The following DMD variants were observed in gnomAD, a reference collection of about 807,000 sequenced individuals.
DMD encodes dystrophin.
DMD carries 63 observed loss-of-function variants against 330.1 expected under a neutral mutation model. That is an observed-to-expected ratio of 0.19 (90% CI 0.16 to 0.24). The LOEUF is 0.24. Ranked by LOEUF, DMD falls within the 10% of genes least tolerant of loss-of-function variation. The pLI is 1.00. For synonymous variants in DMD, 1,223 were observed against 959.8 expected (o/e 1.27, Z -5.07); for missense variants, 3,344 against 2,684.1 (o/e 1.25, Z -5.43).
intron 50 of DMD, among the ~76,000 whole-genome samples, chrX:31,811,513 G>A (rs2092455352): frequency 8.9e-6 from 1 of 112,021 alleles, no homozygotes; most frequent in South Asian, 3.7e-4. Flanking sequence ...ATTAATTAAT[G>A]TCAAGAGTTA....
chrX:32,179,523 T>A (rs901929022), intron 44 of DMD, among the ~76,000 whole-genome samples: 4 of 112,201 alleles, frequency 3.6e-5, no homozygotes, highest in African/African-American at 1.3e-4. Context: ...AATAGGACCA[T>A]AAGAAATAAA....
chrX:31,877,163 G>A (rs147441308), intron 47 of DMD, among the ~76,000 whole-genome samples: 2,000 of 111,982 alleles, frequency 0.018, 37 homozygotes, highest in African/African-American at 0.062. Flanking sequence ...GATTGTATAC[G>A]TAAACAATAT....
intron 55 of DMD, among the ~76,000 whole-genome samples, chrX:31,615,458 A>G (rs1339672826): frequency 8.9e-6 from 1 of 111,901 alleles, no homozygotes; most frequent in Non-Finnish European, 1.9e-5. Flanking sequence ...GTTTCAGGCA[A>G]TCTCAACTTT....
rs58717973 is a variant in DMD at position 31,219,833 on chromosome X, T to TAC, written c.9361+3212_9361+3213dup. 8.5e-3 allele frequency among the ~76,000 whole-genome samples: 853 copies of TAC among 100,284 alleles called. 3 individuals are homozygous for TAC. The highest frequency in any genetic ancestry group is 0.018 in the African/African-American group (510 of 27,659). 87.1% of individuals were successfully genotyped at this position (100,284 alleles called of 115,157 possible). On this transcript the variant is annotated intron_variant, in intron 64 of 78. Transcript: ENST00000357033. ...CCCATGTTGTTCAAGGATCAATGTA[T>TAC]ACACACACACACACACACACACACT... is the stretch of plus-strand genomic sequence containing the variant.
intron 59 of DMD, among the ~76,000 whole-genome samples, chrX:31,470,737 T>G (rs1258945763): frequency 1.1e-4 from 12 of 112,230 alleles, no homozygotes; most frequent in Non-Finnish European, 1.9e-4. Flanking sequence ...AGTCTGCTGA[T>G]GCTGCACCCA....
intron 25 of DMD, among the ~76,000 whole-genome samples, chrX:32,462,637 G>T (rs1273171480): frequency 9.1e-6 from 1 of 110,394 alleles, no homozygotes; most frequent in Non-Finnish European, 1.9e-5. Context: ...ATTCTTAATG[G>T]TTACTGAATC....
At chrX:31,333,392 C>A (rs1319978959) in intron 61 of DMD, among the ~76,000 whole-genome samples, 4 of 99,438 alleles carry the variant, frequency 4.0e-5, no homozygotes, top group African/African-American at 1.5e-4. Context: ...AAGACATAAG[C>A]CTTGCTGCCC....
At chrX:31,323,800 A>G (rs2039523200) in intron 61 of DMD, 142 bp from the exon 62 acceptor site, 1 of 568,309 alleles carries the variant, frequency 1.8e-6, no homozygotes, top group Non-Finnish European at 3.0e-6. Context: ...GGATGGATTA[A>G]CCTGCTGTTC....
rs11352664 is a variant in DMD at position 31,988,473 on chromosome X, CAAAAAAAAAAAAAAAAA to C, written c.6439-19976_6439-19960del. Among the ~76,000 whole-genome samples the C allele has an allele frequency of 3.3e-4, 8 of 24,145 alleles. No homozygotes were observed. In the East Asian group the frequency reaches 5.9e-3, roughly 18 times the overall value. The allele number at this position is 24,145 out of a possible 115,157, so 21.0% of individuals were successfully genotyped here. On this transcript the variant is annotated intron_variant, in intron 44 of 78. Transcript: ENST00000357033. ...TGGGCAACAGAGTGAGACTCCATCT[CAAAAAAAAAAAAAAAAA>C]AAAAAAAAAAGGAAAAGAAAAAGTG...
At chrX:31,381,119 A>T (rs1228487105) in intron 60 of DMD, among the ~76,000 whole-genome samples, 4 of 111,311 alleles carry the variant, frequency 3.6e-5, no homozygotes, top group Non-Finnish European at 7.5e-5. Flanking sequence ...AAGGAAACCT[A>T]GCTGACCCCA....
intron 39 of DMD, 131 bp downstream of exon 39, chrX:32,345,812 A>T (rs934164493): frequency 1.1e-5 from 7 of 635,268 alleles, no homozygotes; most frequent in Non-Finnish European, 1.4e-5. Context: ...AATAAAGCAT[A>T]CACATTGAAC....
chrX:31,973,585 C>T (rs1445285061), intron 44 of DMD, among the ~76,000 whole-genome samples: 1 of 111,045 alleles, frequency 9.0e-6, no homozygotes, highest in African/African-American at 3.3e-5. Flanking sequence ...TTCTCCTCCT[C>T]ACTTTCAAGC....
intron 17 of DMD, among the ~76,000 whole-genome samples, chrX:32,540,140 T>A (rs1461329035): frequency 2.7e-5 from 3 of 111,710 alleles, no homozygotes; most frequent in Non-Finnish European, 5.6e-5. Context: ...AGTAATCTCC[T>A]GGATAAATAC....
chrX:31,809,546 T>G (rs767495753), intron 50 of DMD, among the ~76,000 whole-genome samples: 34 of 111,003 alleles, frequency 3.1e-4, no homozygotes, highest in African/African-American at 1.0e-3. Context: ...CTAGATTGTT[T>G]GTCTAATGAA....
chrX:33,083,225 C>T (rs1179312842), intron 1 of DMD, among the ~76,000 whole-genome samples: 1 of 112,111 alleles, frequency 8.9e-6, no homozygotes, highest in Non-Finnish European at 1.9e-5. Context: ...GATAAAATCA[C>T]CCTTTACCAT....
At chrX:31,326,238 T>TA (rs2056778997) in intron 61 of DMD, among the ~76,000 whole-genome samples, 1 of 111,122 alleles carries the variant, frequency 9.0e-6, no homozygotes, top group African/African-American at 3.3e-5. Flanking sequence ...TTTTTATGTT[T>TA]ACATTAAAAG....
In DMD at chrX:32,543,462, G is replaced by A. The variant is rs189084709; in HGVS notation, c.2168+1697C>T. ...GGCAAGTCCTGAAGACATTAAAAGT[G>A]TTAGGCAACTAGGTGTCCCTATTAC... is the stretch of plus-strand genomic sequence containing the variant. On this transcript the variant is annotated intron_variant, in intron 17 of 78. Coordinates refer to ENST00000357033, the MANE Select transcript of DMD (RefSeq NM_004006.3). 4.5e-5 allele frequency among the ~76,000 whole-genome samples: 5 copies of A among 111,499 alleles called. No homozygotes were observed. The East Asian group carries it at 1.1e-3, about 25-fold the overall frequency.
At chrX:31,582,053 T>G (rs988245394) in intron 55 of DMD, among the ~76,000 whole-genome samples, 2 of 111,617 alleles carry the variant, frequency 1.8e-5, no homozygotes, top group Admixed American at 9.6e-5. Flanking sequence ...TGTATACATA[T>G]GTAACTAACC....
At chrX:32,424,792 TAAAAAAAA>T (rs201484279) in intron 29 of DMD, among the ~76,000 whole-genome samples, 4 of 90,951 alleles carry the variant, frequency 4.4e-5, no homozygotes, top group Non-Finnish European at 8.8e-5. Context: ...AGAGAGATTG[TAAAAAAAA>T]AAAAAAAAAT....
Sources: gnomAD v4.1 joint callset for allele counts (sites outside exome capture counted in the v4.1 genomes callset) on GRCh38, gnomAD v4.1.1 for gene constraint, MANE v1.5 for transcripts, NCBI Gene and HGNC (gene_info 2026-07-23, HGNC 2026-07-21) for gene names.